FBXO28: variants seen among roughly 807,000 people sequenced by gnomAD.
FBXO28 encodes the protein F-box only protein 28.
In FBXO28, 8 loss-of-function variants were observed where a neutral mutation model predicts 38.1. That is an observed-to-expected ratio of 0.21 (90% CI 0.12 to 0.38). The LOEUF (loss-of-function observed/expected upper bound fraction) is 0.38, where lower values mean the gene tolerates loss of function less well. Among genes scored for constraint, FBXO28 ranks in the 10% least tolerant of loss-of-function variants. FBXO28 has a pLI of 1.00. For missense variants in FBXO28, 345 were observed against 460.6 expected (o/e 0.75, Z 2.30); for synonymous variants, 168 against 173.8 (o/e 0.97, Z 0.26).
chr1:224,145,128 GATAA>G (rs1291360281), intron 3 of FBXO28, among the ~76,000 whole-genome samples: 1 of 150,810 alleles, frequency 6.6e-6, no homozygotes, highest in African/African-American at 2.4e-5. Context: ...CTAAAAAATA[GATAA>G]ATAAATACTA....
chr1:224,147,152 C>T lies in FBXO28; in HGVS notation c.517-5990C>T, dbSNP rs533107061. Among the ~76,000 whole-genome samples the T allele has an allele frequency of 5.9e-5, 9 of 151,808 alleles. No homozygotes were observed. In the East Asian group the frequency reaches 7.8e-4, roughly 13 times the overall value. The stretch of plus-strand genomic sequence containing the variant: ...AGAGAAGAAAAACAATTGCCGGATG[C>T]GGTGGCTCACGCCTATAATCCCAGC... On this transcript the variant is annotated intron_variant, in intron 3 of 4. Transcript: ENST00000366862.
intron 3 of FBXO28, among the ~76,000 whole-genome samples, chr1:224,142,508 A>T (rs988408587): frequency 1.3e-5 from 2 of 151,780 alleles, no homozygotes; most frequent in Non-Finnish European, 2.9e-5. Context: ...TCGTTTCGTT[A>T]TAATATTGAT....
chr1:224,114,488 CG>C, intron 1 of FBXO28, 92 bp downstream of exon 1: 1 of 1,126,638 alleles, frequency 8.9e-7, no homozygotes, highest in Non-Finnish European at 1.2e-6. Flanking sequence ...GGGAGCCCCC[CG>C]CGAGCCCCAG....
chr1:224,143,209 ACT>A (rs1657405835), intron 3 of FBXO28, among the ~76,000 whole-genome samples: 1 of 144,562 alleles, frequency 6.9e-6, no homozygotes. Context: ...ACAGAGTGAG[ACT>A]CTGTCTCAAA....
chr1:224,150,762 C>A (rs539456156), intron 3 of FBXO28, among the ~76,000 whole-genome samples: 16 of 152,256 alleles, frequency 1.1e-4, no homozygotes, highest in African/African-American at 3.6e-4. Flanking sequence ...GCAAAGAATC[C>A]TTTCCCAACC....
rs1657811588 is a variant in FBXO28 at position 224,158,005 on chromosome 1, G to A, written c.*259G>A. ...TGTTTTGAGGAGTTAACTTTTTTCT[G>A]TGCAGATAATGTTGAAAGTAAGTTA... On this transcript the variant is annotated 3_prime_UTR_variant, in exon 5 of 5. Transcript: ENST00000366862. The A allele has an allele frequency of 2.5e-6, 3 of 1,222,412 alleles. No homozygotes were observed. Among genetic ancestry groups the A allele is most frequent in the East Asian group, 3.7e-5 (1 of 27,166 alleles). The allele number at this position is 1,222,412 out of a possible 1,614,324, so 75.7% of individuals were successfully genotyped here. A position where few individuals can be genotyped will look rare whatever the true frequency, so the allele number is the denominator to read the frequency against.
intron 3 of FBXO28, among the ~76,000 whole-genome samples, 164 bp from the exon 4 acceptor site, chr1:224,152,978 T>C (rs578085269): frequency 5.8e-4 from 85 of 147,544 alleles, no homozygotes; most frequent in African/African-American, 2.0e-3. Context: ...CCAAAAGCCA[T>C]GTGTTGTAAA....
At chr1:224,150,385 A>T (rs574621829) in intron 3 of FBXO28, among the ~76,000 whole-genome samples, 1 of 152,186 alleles carries the variant, frequency 6.6e-6, no homozygotes, top group South Asian at 2.1e-4. Flanking sequence ...GTTGATAAAC[A>T]CAAAACTACT....
chr1:224,122,613 C>G (rs185276585), intron 1 of FBXO28, among the ~76,000 whole-genome samples: 5 of 151,980 alleles, frequency 3.3e-5, no homozygotes, highest in South Asian at 2.1e-4. Context: ...TACAGCCCCC[C>G]CCAAGCCCCG....
chr1:224,155,924 C>A (rs1365675085), intron 4 of FBXO28, among the ~76,000 whole-genome samples: 1 of 152,104 alleles, frequency 6.6e-6, no homozygotes, highest in Non-Finnish European at 1.5e-5. Context: ...ACAAATAAGG[C>A]AATGTCCAAT....
At chr1:224,123,106 C>A (rs1213424000) in intron 1 of FBXO28, among the ~76,000 whole-genome samples, 1 of 151,964 alleles carries the variant, frequency 6.6e-6, no homozygotes, top group African/African-American at 2.4e-5. Context: ...GTTCTGATGT[C>A]TTTAAGTTCC....
intron 3 of FBXO28, among the ~76,000 whole-genome samples, chr1:224,140,789 A>G (rs1657325811): frequency 6.6e-6 from 1 of 151,828 alleles, no homozygotes; most frequent in African/African-American, 2.4e-5. Context: ...TACTAAAAAT[A>G]CAAAAAATTA....
intron 1 of FBXO28, among the ~76,000 whole-genome samples, chr1:224,126,526 A>G (rs1297763110): frequency 6.6e-6 from 1 of 152,224 alleles, no homozygotes; most frequent in Non-Finnish European, 1.5e-5. Context: ...AACTTAACAT[A>G]TCAAATAGGC....
chr1:224,130,664 A>G (rs1657017859), intron 2 of FBXO28, 83 bp downstream of exon 2: 4 of 869,156 alleles, frequency 4.6e-6, no homozygotes, highest in African/African-American at 3.4e-5. Flanking sequence ...CATGGTTTAC[A>G]TATTGCTTCC....
chr1:224,127,412 T>C (rs1276567741), intron 1 of FBXO28, among the ~76,000 whole-genome samples: 2 of 152,088 alleles, frequency 1.3e-5, no homozygotes, highest in African/African-American at 4.8e-5. Context: ...CTGTGTTCTG[T>C]TAAACCACAT....
At chr1:224,149,345 A>T (rs976553810) in intron 3 of FBXO28, among the ~76,000 whole-genome samples, 11 of 146,930 alleles carry the variant, frequency 7.5e-5, no homozygotes, top group Admixed American at 2.1e-4. Context: ...GACTATAGGC[A>T]TGCGCACAGC....
chr1:224,150,825 C>CT (rs1392471100), intron 3 of FBXO28, among the ~76,000 whole-genome samples: 1 of 152,198 alleles, frequency 6.6e-6, no homozygotes, highest in Non-Finnish European at 1.5e-5. Flanking sequence ...ACATTACCCT[C>CT]TTTTTTCCAT....
Position 224,159,898 on chromosome 1 carries a change from G to A in FBXO28, c.*2152G>A, listed in dbSNP as rs1396870776. On this transcript the variant is annotated 3_prime_UTR_variant, in exon 5 of 5. Coordinates refer to ENST00000366862, the MANE Select transcript of FBXO28 (RefSeq NM_015176.4). ...TGTAGTCTTCCATTAGTTAACATGTGTATAGGGCTTTCATAATAAGTAGTC... is the reference window on the plus strand; with the variant it reads ...TGTAGTCTTCCATTAGTTAACATGTATATAGGGCTTTCATAATAAGTAGTC... 1.3e-5 allele frequency: 2 copies of A among 152,136 alleles called. No individual in the cohort carries two copies. Among genetic ancestry groups the A allele is most frequent in the African/African-American group, 4.8e-5 (2 of 41,416 alleles). The allele number at this position is 152,136 out of a possible 1,614,324, so 9.4% of individuals were successfully genotyped here.
chr1:224,114,994 A>G (rs535184382), intron 1 of FBXO28, among the ~76,000 whole-genome samples: 1 of 152,318 alleles, frequency 6.6e-6, no homozygotes, highest in South Asian at 2.1e-4. Context: ...ATTGACCACT[A>G]AAGTAGAGCC....
Sources: gnomAD v4.1 joint callset for allele counts (sites outside exome capture counted in the v4.1 genomes callset) on GRCh38, gnomAD v4.1.1 for gene constraint, MANE v1.5 for transcripts, NCBI Gene and HGNC (gene_info 2026-07-23, HGNC 2026-07-21) for gene names.